ADAMTS18: variants seen among roughly 807,000 people sequenced by gnomAD.
ADAMTS18 encodes A disintegrin and metalloproteinase with thrombospondin motifs 18.
ADAMTS18 carries 157 observed loss-of-function variants against 165.9 expected under a neutral mutation model. The ratio of observed to expected loss-of-function variants is 0.95; its 90% CI spans 0.83 to 1.08. ADAMTS18 has a LOEUF of 1.08. ADAMTS18 is among the 50% of genes least tolerant of loss of function. ADAMTS18 has a pLI of 0.00. For missense variants in ADAMTS18, 2,040 were observed against 1,534.0 expected (o/e 1.33, Z -5.51); for synonymous variants, 782 against 578.2 (o/e 1.35, Z -5.06).
chr16:77,396,910 G>A (rs555423081), intron 3 of ADAMTS18, among the ~76,000 whole-genome samples: 40 of 151,808 alleles, frequency 2.6e-4, no homozygotes, highest in African/African-American at 8.9e-4. Flanking sequence ...GGATTCAAGC[G>A]ATTCTCTTGC....
chr16:77,316,110 C>A (rs560092807), intron 16 of ADAMTS18, among the ~76,000 whole-genome samples: 2 of 152,192 alleles, frequency 1.3e-5, no homozygotes, highest in African/African-American at 4.8e-5. Context: ...CCATAATACA[C>A]TGCAAACAGA....
chr16:77,430,670 G>A (rs1364402652), intron 3 of ADAMTS18, among the ~76,000 whole-genome samples: 1 of 152,160 alleles, frequency 6.6e-6, no homozygotes, highest in African/African-American at 2.4e-5. Context: ...TTCTTGGCCT[G>A]GTGCTCAGCA....
rs2056340276 is a variant in ADAMTS18, at chr16:77,338,149, C to T, written c.1711-2245G>A. Among the ~76,000 whole-genome samples the T allele has an allele frequency of 2.0e-5, 3 of 152,118 alleles. No homozygotes were observed. In the South Asian group the frequency reaches 6.2e-4, roughly 32 times the overall value. Reference sequence around the variant, plus strand: ...GAACTCCTGACATCAGGCGATCCACCCACCTTGGCCTCCGAAAGTGCTGGG... The same window carrying T: ...GAACTCCTGACATCAGGCGATCCACTCACCTTGGCCTCCGAAAGTGCTGGG... On this transcript the variant is annotated intron_variant, in intron 11 of 22. Transcript: ENST00000282849.
At chr16:77,330,388 A>G (rs886655856) in intron 12 of ADAMTS18, among the ~76,000 whole-genome samples, 14 of 152,334 alleles carry the variant, frequency 9.2e-5, no homozygotes, top group African/African-American at 3.1e-4. Flanking sequence ...AAAATGAAAA[A>G]TGTCAAAGGA....
chr16:77,397,776 G>C (rs1421184121), intron 3 of ADAMTS18, among the ~76,000 whole-genome samples: 1 of 152,344 alleles, frequency 6.6e-6, no homozygotes, highest in South Asian at 2.1e-4. Context: ...ATATCCAGAT[G>C]TTGGCTTGTC....
chr16:77,431,995 G>A (rs78922436), intron 2 of ADAMTS18, among the ~76,000 whole-genome samples: 2,373 of 152,228 alleles, frequency 0.016, 75 homozygotes, highest in African/African-American at 0.054. Context: ...TGAAGATAAA[G>A]TTAATAAACA....
At chr16:77,398,768 C>A (rs369295177) in intron 3 of ADAMTS18, among the ~76,000 whole-genome samples, 1 of 152,028 alleles carries the variant, frequency 6.6e-6, no homozygotes, top group African/African-American at 2.4e-5. Flanking sequence ...CTGAATACCC[C>A]CTGGGGTACA....
intron 12 of ADAMTS18, among the ~76,000 whole-genome samples, chr16:77,333,474 T>C (rs1204021945): frequency 2.3e-5 from 3 of 130,168 alleles, no homozygotes; most frequent in Non-Finnish European, 3.3e-5. Flanking sequence ...AGTAAAATAA[T>C]AATGAAAAAA....
At chr16:77,364,437 A>G in intron 4 of ADAMTS18, 56 bp from the exon 5 acceptor site, 1 of 1,565,600 alleles carries the variant, frequency 6.4e-7, no homozygotes, top group Non-Finnish European at 8.7e-7. Flanking sequence ...TGGATAAGAC[A>G]GTTGAGAGAG....
At position 77,363,870 on chromosome 16, in the gene ADAMTS18, T is replaced by G; in HGVS notation, c.988A>C (p.Lys330Gln). 1.2e-6 allele frequency: 2 copies of G among 1,614,012 alleles called. No individual in the cohort carries two copies. The highest frequency in any genetic ancestry group is 1.7e-6 in the Non-Finnish European group (2 of 1,179,970). ...ATGTCACTTCCAATAGTCCCATCTT[T>G]AAATAGGCCAGAAACCTGTTGGAAC... ...TVMNMVSGLF[K>Q]DGTIGSDINV... is the part of the protein sequence containing the mutation. The change falls in exon 6 of 23, where the codon AAA becomes CAA. Residue 330 changes from lysine (K) to glutamine (Q), a missense_variant. Physicochemically the swap from Lys to Gln is moderately conservative, Grantham distance 53. Coordinates refer to ENST00000282849, the MANE Select transcript of ADAMTS18 (RefSeq NM_199355.4).
Position 77,326,377 on chromosome 16 carries a change from A to C in ADAMTS18, c.1860-339T>G, listed in dbSNP as rs568466287. 4.9e-4 allele frequency among the ~76,000 whole-genome samples: 74 copies of C among 152,046 alleles called. 1 individual carries two copies. The highest frequency in any genetic ancestry group is 1.6e-3 in the African/African-American group (67 of 41,530). On this transcript the variant is annotated intron_variant, in intron 12 of 22. Coordinates refer to ENST00000282849, the MANE Select transcript of ADAMTS18 (RefSeq NM_199355.4). ...CTTAAACACTGATGAAAGAAGTTTT[A>C]CTTTTTATTTTATTATTATTTTTGA...
chr16:77,355,846 G>T (rs2056621366), intron 9 of ADAMTS18, 94 bp downstream of exon 9: 1 of 1,441,044 alleles, frequency 6.9e-7, no homozygotes, highest in African/African-American at 1.4e-5. Context: ...CAGGTCAAAA[G>T]GTATTTCCAC....
chr16:77,384,830 TTTA>T (rs960274271), intron 3 of ADAMTS18, among the ~76,000 whole-genome samples: 1 of 105,256 alleles, frequency 9.5e-6, no homozygotes, highest in Non-Finnish European at 1.9e-5. Flanking sequence ...TTCAGATTTT[TTTA>T]AAAAATCTCA....
intron 3 of ADAMTS18, among the ~76,000 whole-genome samples, chr16:77,416,098 G>T (rs2144838445): frequency 6.6e-6 from 1 of 152,260 alleles, no homozygotes; most frequent in African/African-American, 2.4e-5. Flanking sequence ...CAGCAGAGAA[G>T]GGGGTTGGGG....
chr16:77,297,104 G>A (rs940155628), intron 18 of ADAMTS18, among the ~76,000 whole-genome samples, 185 bp downstream of exon 18: 1 of 152,180 alleles, frequency 6.6e-6, no homozygotes, highest in African/African-American at 2.4e-5. Context: ...AGCCTCCCAA[G>A]TAGCTAGGAC....
intron 3 of ADAMTS18, among the ~76,000 whole-genome samples, chr16:77,401,120 T>C (rs1400361014): frequency 6.6e-6 from 1 of 152,018 alleles, no homozygotes; most frequent in Non-Finnish European, 1.5e-5. Context: ...CCAGGCGTGG[T>C]GGCGGGTGCC....
chr16:77,400,485 GTTTT>G (rs71137813), intron 3 of ADAMTS18, among the ~76,000 whole-genome samples: 1 of 114,698 alleles, frequency 8.7e-6, no homozygotes, highest in African/African-American at 3.3e-5. Flanking sequence ...TGTGTGTTTT[GTTTT>G]TTTTTTTTTT....
At position 77,283,728 on chromosome 16, in the gene ADAMTS18, G is replaced by A. The variant is rs2055192725; in HGVS notation, c.*228C>T. On this transcript the variant is annotated 3_prime_UTR_variant, in exon 23 of 23. Transcript: ENST00000282849. ...AAATCAAAGATTTTTTTTAAAGTCA[G>A]ATTTGTCATCGCTTCCCATTTTCAA... The A allele has an allele frequency of 1.9e-6, 1 of 532,948 alleles. No individual in the cohort carries two copies. The highest frequency in any genetic ancestry group is 3.4e-6 in the Non-Finnish European group (1 of 295,990). The allele number at this position is 532,948 out of a possible 1,614,324, so 33.0% of individuals were successfully genotyped here.
At chr16:77,341,571 ATGT>A (rs2056397959) in intron 11 of ADAMTS18, 130 bp downstream of exon 11, 1 of 757,508 alleles carries the variant, frequency 1.3e-6, no homozygotes, top group Non-Finnish European at 2.3e-6. Context: ...CTGCTATATA[ATGT>A]TGTTAATATG....
Sources: gnomAD v4.1 joint callset for allele counts (sites outside exome capture counted in the v4.1 genomes callset) on GRCh38, gnomAD v4.1.1 for gene constraint, MANE v1.5 for transcripts, NCBI Gene and HGNC (gene_info 2026-07-23, HGNC 2026-07-21) for gene names.